Variants in ASIC2 observed in about 807,000 individuals in gnomAD.
The protein encoded by ASIC2 is acid sensing ion channel subunit 2, also known as acid-sensing ion channel 2.
Under a neutral mutation model 57.3 loss-of-function variants are expected in ASIC2, and 25 were observed. That is an observed-to-expected ratio of 0.44 (90% CI 0.32 to 0.61). The LOEUF (loss-of-function observed/expected upper bound fraction) is 0.61. Ranked by LOEUF, ASIC2 falls within the 20% of genes least tolerant of loss-of-function variation. The pLI is 0.06. For missense variants in ASIC2, 641 were observed against 738.1 expected (o/e 0.87, Z 1.52); for synonymous variants, 319 against 307.5 (o/e 1.04, Z -0.39).
intron 1 of ASIC2, among the ~76,000 whole-genome samples, chr17:33,510,619 G>A (rs1258906958): frequency 6.6e-6 from 1 of 152,136 alleles, no homozygotes. Context: ...GCAATAGAGT[G>A]AGATCTTGTC....
chr17:34,047,784 G>C (rs1450482547), intron 1 of ASIC2, among the ~76,000 whole-genome samples: 2 of 152,156 alleles, frequency 1.3e-5, no homozygotes, highest in Non-Finnish European at 2.9e-5. Flanking sequence ...CCTCCACTGT[G>C]AGACTGCAGC....
chr17:33,992,021 C>CA (rs1441081567), intron 1 of ASIC2, among the ~76,000 whole-genome samples: 1 of 152,124 alleles, frequency 6.6e-6, no homozygotes, highest in Non-Finnish European at 1.5e-5. Context: ...CCCTGGGAGG[C>CA]AGGGTGCCAG....
At chr17:34,028,746 C>T (rs559628863) in intron 1 of ASIC2, among the ~76,000 whole-genome samples, 3 of 152,154 alleles carry the variant, frequency 2.0e-5, no homozygotes, top group African/African-American at 7.2e-5. Context: ...TACATGAAAT[C>T]CTCTCCTCAC....
intron 2 of ASIC2, among the ~76,000 whole-genome samples, chr17:33,105,310 C>A (rs766436033): frequency 1.4e-4 from 21 of 152,286 alleles, no homozygotes; most frequent in Non-Finnish European, 2.5e-4. Context: ...CTCATGAGAT[C>A]TGACGGTTTC....
chr17:33,230,024 C>A (rs1908028582), intron 1 of ASIC2, among the ~76,000 whole-genome samples: 1 of 152,186 alleles, frequency 6.6e-6, no homozygotes, highest in Non-Finnish European at 1.5e-5. Flanking sequence ...CTGTGCCAGG[C>A]AGCCAAGGAT....
At chr17:33,367,271 A>T (rs531870957) in intron 1 of ASIC2, among the ~76,000 whole-genome samples, 25 of 152,252 alleles carry the variant, frequency 1.6e-4, no homozygotes, top group Non-Finnish European at 3.2e-4. Flanking sequence ...GAAGAGGCAC[A>T]GAGAGTGAAG....
intron 1 of ASIC2, among the ~76,000 whole-genome samples, chr17:33,946,481 T>A (rs1904378899): frequency 6.6e-6 from 1 of 152,232 alleles, no homozygotes; most frequent in African/African-American, 2.4e-5. Context: ...CATCAAGACT[T>A]AGTCATTGGT....
At chr17:33,108,937 C>T (rs1017480220) in intron 2 of ASIC2, among the ~76,000 whole-genome samples, 3 of 152,190 alleles carry the variant, frequency 2.0e-5, no homozygotes, top group Non-Finnish European at 4.4e-5. Flanking sequence ...CCAGAGTTGT[C>T]AGAAGCTGTT....
intron 1 of ASIC2, among the ~76,000 whole-genome samples, chr17:33,426,778 A>G (rs1911234590): frequency 6.6e-6 from 1 of 152,182 alleles, no homozygotes; most frequent in Non-Finnish European, 1.5e-5. Context: ...GTCCTCATGG[A>G]GCTTCTAGTC....
At chr17:33,617,376 T>C (rs1905640807) in intron 1 of ASIC2, among the ~76,000 whole-genome samples, 1 of 152,190 alleles carries the variant, frequency 6.6e-6, no homozygotes, top group Non-Finnish European at 1.5e-5. Flanking sequence ...GAGGCCATTA[T>C]CCTAAGCGAA....
intron 1 of ASIC2, among the ~76,000 whole-genome samples, chr17:33,971,333 T>A (rs547025706): frequency 1.6e-4 from 24 of 152,232 alleles, no homozygotes; most frequent in Admixed American, 7.2e-4. Flanking sequence ...GCCTGGCCCC[T>A]GCTGCAACCT....
intron 1 of ASIC2, among the ~76,000 whole-genome samples, chr17:33,183,490 A>C (rs1477868754): frequency 6.6e-6 from 1 of 152,208 alleles, no homozygotes; most frequent in Non-Finnish European, 1.5e-5. Context: ...AGAATGCTTA[A>C]TTTGAGAGCC....
At chr17:33,712,195 T>C (rs1327638042) in intron 1 of ASIC2, among the ~76,000 whole-genome samples, 1 of 152,188 alleles carries the variant, frequency 6.6e-6, no homozygotes, top group Non-Finnish European at 1.5e-5. Flanking sequence ...GATGACTGCC[T>C]ACAGTCTCAG....
intron 1 of ASIC2, among the ~76,000 whole-genome samples, chr17:34,008,947 G>T (rs1202442787): frequency 6.6e-6 from 1 of 152,138 alleles, no homozygotes; most frequent in African/African-American, 2.4e-5. Flanking sequence ...ATTTGCCTGG[G>T]GCTTCACATT....
chr17:34,077,191 C>T (rs996976199), intron 1 of ASIC2, among the ~76,000 whole-genome samples: 8 of 152,306 alleles, frequency 5.3e-5, no homozygotes, highest in Admixed American at 5.2e-4. Context: ...CGTGATGAGT[C>T]TTTCTCAGGG....
At chr17:33,051,634 C>T (rs553551454) in intron 3 of ASIC2, among the ~76,000 whole-genome samples, 10 of 152,106 alleles carry the variant, frequency 6.6e-5, no homozygotes, top group East Asian at 1.9e-4. Context: ...TTGGTGACCT[C>T]GGGCAAGTTA....
chr17:33,942,300 G>A (rs1222647189), intron 1 of ASIC2, among the ~76,000 whole-genome samples: 6 of 152,090 alleles, frequency 3.9e-5, no homozygotes, highest in African/African-American at 1.4e-4. Context: ...GCTGAAGAGG[G>A]GAACTCAACC....
At chr17:34,055,532 CTT>C (rs937161363) in intron 1 of ASIC2, among the ~76,000 whole-genome samples, 1 of 152,150 alleles carries the variant, frequency 6.6e-6, no homozygotes, top group African/African-American at 2.4e-5. Flanking sequence ...AAAGTTCCTT[CTT>C]GTTTCCTCTT....
chr17:33,087,651 C>T (rs1273767188), intron 3 of ASIC2, among the ~76,000 whole-genome samples: 1 of 143,050 alleles, frequency 7.0e-6, no homozygotes, highest in Non-Finnish European at 1.5e-5. Flanking sequence ...AATCTCAGCT[C>T]AGTCAGCTCA....
Sources: gnomAD v4.1 joint callset for allele counts (sites outside exome capture counted in the v4.1 genomes callset) on GRCh38, gnomAD v4.1.1 for gene constraint, MANE v1.5 for transcripts, NCBI Gene and HGNC (gene_info 2026-07-23, HGNC 2026-07-21) for gene names.